Variants in CADM2 observed in about 807,000 individuals in gnomAD.
CADM2 encodes the protein cell adhesion molecule 2.
In CADM2, 12 loss-of-function variants were observed where a neutral mutation model predicts 49.8. The ratio of observed to expected loss-of-function variants is 0.24; its 90% CI spans 0.15 to 0.39. The LOEUF is 0.39. Ranked by LOEUF, CADM2 falls within the 10% of genes least tolerant of loss-of-function variation. CADM2 has a pLI of 1.00. For missense variants in CADM2, 378 were observed against 492.3 expected (o/e 0.77, Z 2.20); for synonymous variants, 214 against 175.4 (o/e 1.22, Z -1.74).
chr3:85,270,821 C>T (rs1447921595), intron 1 of CADM2, among the ~76,000 whole-genome samples: 1 of 151,344 alleles, frequency 6.6e-6, no homozygotes, highest in African/African-American at 2.4e-5. Flanking sequence ...TATCTCATAT[C>T]AAAACATTGA....
In CADM2 at chr3:85,318,853, G is replaced by A. The variant is rs563134813; in HGVS notation, c.61+359185G>A. 1.4e-3 allele frequency among the ~76,000 whole-genome samples: 211 copies of A among 152,050 alleles called. 2 individuals are homozygous for A. Among genetic ancestry groups the A allele is most frequent in the African/African-American group, 4.5e-3 (187 of 41,494 alleles). On this transcript the variant is annotated intron_variant, in intron 1 of 9. Transcript: ENST00000383699. The stretch of plus-strand genomic sequence containing the variant: ...TTTCCATTAAAATATCCAATATTAC[G>A]TTCCTTTTCTAATAATGTGATATGA...
At chr3:85,294,647 C>A (rs2106953035) in intron 1 of CADM2, among the ~76,000 whole-genome samples, 1 of 151,888 alleles carries the variant, frequency 6.6e-6, no homozygotes, top group Admixed American at 6.6e-5. Context: ...ATATCTACAA[C>A]TATCTGATCT....
chr3:85,859,952 T>A (rs2075461006), intron 3 of CADM2, among the ~76,000 whole-genome samples: 1 of 152,178 alleles, frequency 6.6e-6, no homozygotes, highest in South Asian at 2.1e-4. Context: ...GAAGTGAGAT[T>A]TTTTCCCATT....
chr3:85,497,458 T>C lies in CADM2; in HGVS notation c.62-229064T>C, dbSNP rs555698844. On this transcript the variant is annotated intron_variant, in intron 1 of 9. Transcript: ENST00000383699. ...ATTATAAAATGTTATATCTATATAT[T>C]GAAAGAACGAACTTTTATTTGATGA... Among the ~76,000 whole-genome samples the C allele has an allele frequency of 2.4e-4, 37 of 152,224 alleles. No homozygotes were observed. The South Asian group carries it at 3.7e-3, about 15-fold the overall frequency.
At chr3:86,006,752 G>A (rs530918286) in intron 8 of CADM2, among the ~76,000 whole-genome samples, 1 of 152,088 alleles carries the variant, frequency 6.6e-6, no homozygotes, top group Admixed American at 6.6e-5. Flanking sequence ...ACTAATTTAA[G>A]TATATTGGCT....
intron 1 of CADM2, among the ~76,000 whole-genome samples, chr3:85,003,931 G>T (rs1347335779): frequency 6.6e-6 from 1 of 152,028 alleles, no homozygotes; most frequent in Non-Finnish European, 1.5e-5. Flanking sequence ...ATTTAAATTT[G>T]TAAACTGTAA....
chr3:85,369,541 G>A (rs1255340164), intron 1 of CADM2, among the ~76,000 whole-genome samples: 1 of 152,164 alleles, frequency 6.6e-6, no homozygotes, highest in Non-Finnish European at 1.5e-5. Context: ...GGCTGAGGCG[G>A]GTGGAATCAC....
chr3:85,789,618 A>T (rs184701353), intron 2 of CADM2, among the ~76,000 whole-genome samples: 67 of 152,338 alleles, frequency 4.4e-4, no homozygotes, highest in Non-Finnish European at 7.2e-4. Context: ...CAACTCATCA[A>T]GTTCACTTTT....
At chr3:85,295,013 A>G (rs2043916989) in intron 1 of CADM2, among the ~76,000 whole-genome samples, 2 of 152,162 alleles carry the variant, frequency 1.3e-5, no homozygotes, top group South Asian at 4.2e-4. Context: ...AACCTACAAA[A>G]TGGGAGAAAA....
At chr3:85,837,424 A>T (rs975790143) in intron 3 of CADM2, among the ~76,000 whole-genome samples, 3 of 151,678 alleles carry the variant, frequency 2.0e-5, no homozygotes, top group Non-Finnish European at 3.0e-5. Context: ...GGGGAAAAAA[A>T]CAGTTCCAGA....
intron 1 of CADM2, among the ~76,000 whole-genome samples, chr3:85,067,279 CTGTGTG>C (rs5850663): frequency 6.6e-6 from 1 of 150,840 alleles, no homozygotes; most frequent in Non-Finnish European, 1.5e-5. Flanking sequence ...TCTAATTAAA[CTGTGTG>C]TGTGTGTGTT....
chr3:85,197,481 G>T (rs905688847), intron 1 of CADM2, among the ~76,000 whole-genome samples: 1 of 151,848 alleles, frequency 6.6e-6, no homozygotes, highest in Non-Finnish European at 1.5e-5. Context: ...GAGATATCCC[G>T]TGCCTGTGGA....
At chr3:85,096,807 T>C (rs1315103179) in intron 1 of CADM2, among the ~76,000 whole-genome samples, 13 of 152,154 alleles carry the variant, frequency 8.5e-5, no homozygotes, top group Admixed American at 8.5e-4. Flanking sequence ...TCCATGACTC[T>C]ACTCCATAAT....
chr3:86,052,126 A>G (rs2107328556), intron 8 of CADM2, among the ~76,000 whole-genome samples: 1 of 152,356 alleles, frequency 6.6e-6, no homozygotes, highest in South Asian at 2.1e-4. Context: ...AACATAAACA[A>G]TTACACTAAT....
At chr3:85,179,731 G>A (rs189261289) in intron 1 of CADM2, among the ~76,000 whole-genome samples, 26 of 152,052 alleles carry the variant, frequency 1.7e-4, no homozygotes, top group Non-Finnish European at 7.4e-5. Flanking sequence ...AGACCCAGCT[G>A]GTAGAATAAC....
chr3:85,579,522 C>T (rs115454880), intron 1 of CADM2, among the ~76,000 whole-genome samples: 5,288 of 152,154 alleles, frequency 0.035, 199 homozygotes, highest in Non-Finnish European at 0.045. Context: ...TCATGGCTCC[C>T]CATTGCTTAA....
chr3:85,777,655 A>G (rs528591084), intron 2 of CADM2, among the ~76,000 whole-genome samples: 47 of 152,210 alleles, frequency 3.1e-4, no homozygotes, highest in Non-Finnish European at 5.9e-4. Flanking sequence ...TCTCATTTCA[A>G]TACACCTGAT....
At chr3:85,894,886 T>A (rs947024693) in intron 5 of CADM2, among the ~76,000 whole-genome samples, 1 of 152,214 alleles carries the variant, frequency 6.6e-6, no homozygotes, top group Non-Finnish European at 1.5e-5. Context: ...AACCTCTGCC[T>A]AGATTTCAGA....
intron 1 of CADM2, among the ~76,000 whole-genome samples, chr3:84,965,086 A>G (rs1252016175): frequency 6.6e-6 from 1 of 152,230 alleles, no homozygotes; most frequent in African/African-American, 2.4e-5. Context: ...ATCATAAACT[A>G]ATTTCATAAA....
Sources: gnomAD v4.1 joint callset for allele counts (sites outside exome capture counted in the v4.1 genomes callset) on GRCh38, gnomAD v4.1.1 for gene constraint, MANE v1.5 for transcripts, NCBI Gene and HGNC (gene_info 2026-07-23, HGNC 2026-07-21) for gene names.